The following WDR64 variants were observed in gnomAD, a reference collection of about 807,000 sequenced individuals.
WDR64 encodes the protein WD repeat domain 64.
In WDR64, 112 loss-of-function variants were observed where a neutral mutation model predicts 139.3. The observed-to-expected ratio is 0.80, with a 90% CI of 0.69 to 0.94. WDR64 has a LOEUF of 0.94. WDR64 is among the 40% of genes least tolerant of loss of function. The pLI, the probability that WDR64 is intolerant of heterozygous loss-of-function variation, is 0.00. For missense variants in WDR64, 1,206 were observed against 1,293.1 expected (o/e 0.93, Z 1.03); for synonymous variants, 444 against 437.7 (o/e 1.01, Z -0.18).
At chr1:241,739,034 C>A (rs750576436) in intron 11 of WDR64, among the ~76,000 whole-genome samples, 10 of 152,162 alleles carry the variant, frequency 6.6e-5, no homozygotes, top group Non-Finnish European at 1.3e-4. Flanking sequence ...TGGGCCCATG[C>A]CATTCTGATA....
intron 2 of WDR64, among the ~76,000 whole-genome samples, chr1:241,662,895 C>A (rs886211169): frequency 6.6e-6 from 1 of 151,854 alleles, no homozygotes; most frequent in African/African-American, 2.4e-5. Context: ...GGGAAAAGGG[C>A]AAGAAATGGA....
intron 8 of WDR64, among the ~76,000 whole-genome samples, chr1:241,705,340 G>C (rs1232173968): frequency 6.6e-6 from 1 of 151,962 alleles, no homozygotes; most frequent in Non-Finnish European, 1.5e-5. Flanking sequence ...AGGAGATCGA[G>C]ACCATCCCGG....
chr1:241,674,246 C>CTTT (rs1251310495), intron 3 of WDR64, among the ~76,000 whole-genome samples: 3 of 83,212 alleles, frequency 3.6e-5, no homozygotes, highest in Non-Finnish European at 5.6e-5. Flanking sequence ...GGCTGTTTAT[C>CTTT]TTTTTTTTTC....
chr1:241,718,090 C>A (rs1010854082), intron 9 of WDR64, among the ~76,000 whole-genome samples: 1 of 152,126 alleles, frequency 6.6e-6, no homozygotes, highest in African/African-American at 2.4e-5. Context: ...AAATATGATT[C>A]GCTCAAAATA....
intron 10 of WDR64, among the ~76,000 whole-genome samples, chr1:241,729,305 C>A (rs1379167300): frequency 1.3e-5 from 2 of 152,158 alleles, no homozygotes; most frequent in Non-Finnish European, 2.9e-5. Flanking sequence ...ACTTGTAGAC[C>A]TCTTATCTTC....
intron 15 of WDR64, among the ~76,000 whole-genome samples, chr1:241,759,064 T>C (rs1361737491): frequency 6.6e-6 from 1 of 152,150 alleles, no homozygotes; most frequent in Non-Finnish European, 1.5e-5. Context: ...ATTACTTATT[T>C]GCTTTATGCT....
At chr1:241,759,585 T>C (rs905165387) in intron 15 of WDR64, among the ~76,000 whole-genome samples, 7 of 152,196 alleles carry the variant, frequency 4.6e-5, no homozygotes, top group Non-Finnish European at 8.8e-5. Flanking sequence ...TGGCTCCCTC[T>C]CTACCTTCTT....
intron 8 of WDR64, among the ~76,000 whole-genome samples, chr1:241,710,060 GAAAAGAAAAAAA>G (rs1264955917): frequency 6.9e-6 from 1 of 145,704 alleles, no homozygotes; most frequent in African/African-American, 2.6e-5. Flanking sequence ...TTTTAAAAAA[GAAAAGAAAAAAA>G]AAAAGAAAAA....
chr1:241,754,904 C>A (rs920124102), intron 14 of WDR64, among the ~76,000 whole-genome samples: 22 of 152,108 alleles, frequency 1.4e-4, no homozygotes, highest in Non-Finnish European at 2.5e-4. Context: ...TGAACTCATT[C>A]TTTTTTTATG....
At chr1:241,676,546 A>G (rs933376682) in intron 4 of WDR64, 1 of 152,200 alleles carries the variant, frequency 6.6e-6, no homozygotes, top group Non-Finnish European at 1.5e-5. Flanking sequence ...GAGAAGGAAA[A>G]TAATTATGTG....
At chr1:241,657,026 A>G (rs2148050882) in intron 1 of WDR64, among the ~76,000 whole-genome samples, 1 of 152,016 alleles carries the variant, frequency 6.6e-6, no homozygotes, top group South Asian at 2.1e-4. Flanking sequence ...ACCCACTAGC[A>G]TATCTTTACA....
intron 8 of WDR64, among the ~76,000 whole-genome samples, chr1:241,704,966 G>C (rs1166636529): frequency 6.6e-6 from 1 of 152,160 alleles, no homozygotes; most frequent in Non-Finnish European, 1.5e-5. Context: ...AAGGTACCTG[G>C]TTGTGGGCCA....
intron 1 of WDR64, among the ~76,000 whole-genome samples, chr1:241,658,239 A>T (rs1665682912): frequency 6.6e-6 from 1 of 151,534 alleles, no homozygotes; most frequent in Non-Finnish European, 1.5e-5. Context: ...CAATAGTCTT[A>T]CCCCAGGGAA....
At chr1:241,654,568 T>C (rs968369931) in intron 1 of WDR64, among the ~76,000 whole-genome samples, 1 of 152,202 alleles carries the variant, frequency 6.6e-6, no homozygotes, top group African/African-American at 2.4e-5. Context: ...CTCAATTCTT[T>C]CTTTGCTTCT....
Position 241,783,290 on chromosome 1 carries a change from T to C in WDR64, c.2614T>C (p.Ser872Pro). The change falls in exon 23 of 28, where the codon TCC (serine) becomes CCC (proline). Residue 872 changes from serine (S) to proline (P), a missense_variant. Ser to Pro is a moderately conservative substitution (Grantham distance 74). Transcript: ENST00000437684. ...HDEKKFKQLL[S>P]WRAHSLEIIQ... ...TATCTAGAAATTCAAGCAGCTGCTT[T>C]CCTGGCGTGCTCATTCTTTGGAAAT... The C allele has an allele frequency of 6.2e-7, 1 of 1,613,986 alleles. No individual in the cohort carries two copies.
intron 10 of WDR64, among the ~76,000 whole-genome samples, chr1:241,731,365 A>G (rs1669071883): frequency 6.6e-6 from 1 of 152,098 alleles, no homozygotes; most frequent in Admixed American, 6.6e-5. Context: ...AAATGAGATA[A>G]ATCTAAGTAC....
rs766802128 is a variant in WDR64, at chr1:241,784,953, G to GGAAA, written c.2705+1572_2705+1573insGAAA. ...TGGGCGACAGAGTGAGACTCTGTCT[G>GGAAA]AAAAAAAAAAAAAAAAAAAAAAAGA... is the stretch of plus-strand genomic sequence containing the variant. On this transcript the variant is annotated intron_variant, in intron 23 of 27. Coordinates refer to ENST00000437684, the MANE Select transcript of WDR64 (RefSeq NM_001367482.1). Among the ~76,000 whole-genome samples the GGAAA allele has an allele frequency of 3.4e-4, 21 of 62,246 alleles. 1 individual carries two copies. The highest frequency in any genetic ancestry group is 1.8e-3 in the South Asian group (2 of 1,108). 40.8% of individuals were successfully genotyped at this position (62,246 alleles called of 152,430 possible).
intron 9 of WDR64, among the ~76,000 whole-genome samples, chr1:241,716,106 A>C (rs1344332604): frequency 2.0e-5 from 3 of 152,080 alleles, no homozygotes. Flanking sequence ...CTGAAAACAC[A>C]TTTTTCTCAG....
chr1:241,771,622 T>C, intron 18 of WDR64, 39 bp from the exon 19 acceptor site: 1 of 1,436,564 alleles, frequency 7.0e-7, no homozygotes, highest in Non-Finnish European at 9.2e-7. Flanking sequence ...TTTCTTACAA[T>C]GTCATGGAAG....
Sources: allele counts gnomAD v4.1 joint callset (sites outside exome capture counted in the v4.1 genomes callset), GRCh38; gene constraint gnomAD v4.1.1; transcripts MANE v1.5; gene names NCBI Gene and HGNC (gene_info 2026-07-23, HGNC 2026-07-21).